Variants in SLC24A3 observed in about 807,000 individuals in gnomAD.
SLC24A3 encodes the protein sodium/potassium/calcium exchanger 3.
A neutral mutation model predicts 75.8 loss-of-function variants in SLC24A3; 28 were observed. The observed-to-expected ratio is 0.37, with a 90% CI of 0.27 to 0.51. The LOEUF is 0.51. SLC24A3 is among the 20% of genes least tolerant of loss of function. SLC24A3 has a pLI of 0.94. For missense variants in SLC24A3, 663 were observed against 847.8 expected, an observed-to-expected ratio of 0.78 and a Z score of 2.71; for synonymous variants, 372 against 334.1, an observed-to-expected ratio of 1.11 and a Z score of -1.24.
At chr20:19,431,287 G>A (rs553808642) in intron 2 of SLC24A3, among the ~76,000 whole-genome samples, 2 of 152,036 alleles carry the variant, frequency 1.3e-5, no homozygotes, top group Non-Finnish European at 1.5e-5. Context: ...TATAAAGAGG[G>A]CAAGGGAGCT....
chr20:19,251,564 C>T lies in SLC24A3; in HGVS notation c.143-29395C>T, dbSNP rs146207980. Among the ~76,000 whole-genome samples, 327 of 152,204 alleles carry T rather than the reference C, an allele frequency of 2.1e-3. 1 individual carries two copies. Among genetic ancestry groups the T allele is most frequent in the African/African-American group, 7.7e-3 (318 of 41,516 alleles). On this transcript the variant is annotated intron_variant, in intron 1 of 16. Transcript: ENST00000328041. ...TTAAGCAGAACACTGCAGGGGACAA[C>T]GAGGGCCCAGCTCTAGCCGGGGTCT... is the stretch of plus-strand genomic sequence containing the variant.
intron 3 of SLC24A3, among the ~76,000 whole-genome samples, chr20:19,534,112 A>G (rs1419768618): frequency 6.6e-6 from 1 of 152,264 alleles, no homozygotes; most frequent in Non-Finnish European, 1.5e-5. Flanking sequence ...TATATTGATG[A>G]AAAACAGCTA....
chr20:19,386,897 T>C (rs895846736), intron 2 of SLC24A3, among the ~76,000 whole-genome samples: 4 of 152,112 alleles, frequency 2.6e-5, no homozygotes, highest in African/African-American at 9.7e-5. Flanking sequence ...TCTTTGCCTT[T>C]GGAGGAATTT....
rs776128885 is a variant in SLC24A3 at position 19,280,898 on chromosome 20, C to G, written c.143-61C>G. On this transcript the variant is annotated intron_variant, in intron 1 of 16. Coordinates refer to ENST00000328041, the MANE Select transcript of SLC24A3 (RefSeq NM_020689.4). ...GCTGATCAGGGCAGCGGGCATGCAG[C>G]GTCGGCAGAGGCTGAAACCCAGCTG... The G allele has an allele frequency of 8.3e-6, 13 of 1,569,288 alleles. 1 individual carries two copies. The South Asian group carries it at 1.5e-4, about 19-fold the overall frequency.
At chr20:19,601,042 T>C (rs1010922076) in intron 6 of SLC24A3, among the ~76,000 whole-genome samples, 16 of 152,188 alleles carry the variant, frequency 1.1e-4, no homozygotes, top group Non-Finnish European at 1.2e-4. Flanking sequence ...ATACATGAAC[T>C]TCAGAAGTTA....
chr20:19,492,370 C>G (rs1988221530), intron 2 of SLC24A3, among the ~76,000 whole-genome samples: 1 of 152,222 alleles, frequency 6.6e-6, no homozygotes, highest in South Asian at 2.1e-4. Flanking sequence ...ATCTCCACAT[C>G]TGTGCAATGG....
At chr20:19,529,716 G>C (rs2030262011) in intron 3 of SLC24A3, among the ~76,000 whole-genome samples, 1 of 152,138 alleles carries the variant, frequency 6.6e-6, no homozygotes, top group Non-Finnish European at 1.5e-5. Flanking sequence ...AGATAATCCA[G>C]GCTCATCCCA....
At chr20:19,372,370 C>T (rs1986007668) in intron 2 of SLC24A3, among the ~76,000 whole-genome samples, 1 of 152,178 alleles carries the variant, frequency 6.6e-6, no homozygotes. Flanking sequence ...AAGACAGGAA[C>T]ATCCACAGCT....
intron 2 of SLC24A3, among the ~76,000 whole-genome samples, chr20:19,302,899 C>G (rs139702532): frequency 0.011 from 1,741 of 152,122 alleles, 16 homozygotes; most frequent in Non-Finnish European, 0.016. Context: ...TTATCGTCAC[C>G]CTAAGTTTTC....
intron 2 of SLC24A3, among the ~76,000 whole-genome samples, chr20:19,461,363 A>C (rs879919034): frequency 6.6e-6 from 1 of 152,194 alleles, no homozygotes; most frequent in African/African-American, 2.4e-5. Flanking sequence ...ATATATACAC[A>C]CAAATATACA....
chr20:19,596,587 A>G (rs768304998), intron 6 of SLC24A3, among the ~76,000 whole-genome samples: 15 of 152,146 alleles, frequency 9.9e-5, no homozygotes, highest in Non-Finnish European at 2.1e-4. Flanking sequence ...TGTTGATGTT[A>G]TTCACTGGCC....
intron 3 of SLC24A3, among the ~76,000 whole-genome samples, chr20:19,538,763 C>T (rs1282265463): frequency 6.6e-6 from 1 of 152,200 alleles, no homozygotes; most frequent in Non-Finnish European, 1.5e-5. Context: ...AACACCACTA[C>T]TCCCCGAATC....
chr20:19,212,710 G>A lies in SLC24A3; in HGVS notation c.-133G>A. Reference sequence around the variant, plus strand: ...AGGAGGAGGAAGAGGAGGCGGAGGCGGCGGCCGGGTGGGAGCGCAGCGAGG... The same window carrying A: ...AGGAGGAGGAAGAGGAGGCGGAGGCAGCGGCCGGGTGGGAGCGCAGCGAGG... On this transcript the variant is annotated 5_prime_UTR_variant, in exon 1 of 17. Coordinates refer to ENST00000328041, the MANE Select transcript of SLC24A3 (RefSeq NM_020689.4). 1.5e-6 allele frequency: 1 copy of A among 664,646 alleles called. No homozygotes were observed. The highest frequency in any genetic ancestry group is 1.9e-6 in the Non-Finnish European group (1 of 538,320). The allele number at this position is 664,646 out of a possible 1,614,324, so 41.2% of individuals were successfully genotyped here. A position where few individuals can be genotyped will look rare whatever the true frequency, so the allele number is the denominator to read the frequency against.
chr20:19,520,583 G>A (rs1297273350), intron 3 of SLC24A3, among the ~76,000 whole-genome samples: 1 of 152,168 alleles, frequency 6.6e-6, no homozygotes, highest in African/African-American at 2.4e-5. Flanking sequence ...CAGGATTCTT[G>A]TGCTGAGCTG....
At chr20:19,542,341 C>G (rs1346206394) in intron 3 of SLC24A3, among the ~76,000 whole-genome samples, 3 of 152,188 alleles carry the variant, frequency 2.0e-5, no homozygotes, top group African/African-American at 7.2e-5. Flanking sequence ...TGAAATCTGT[C>G]TCTGGACTTC....
At chr20:19,549,732 C>T (rs1482319096) in intron 3 of SLC24A3, among the ~76,000 whole-genome samples, 3 of 152,090 alleles carry the variant, frequency 2.0e-5, no homozygotes, top group Non-Finnish European at 4.4e-5. Context: ...TGCAGTGAGC[C>T]GAGATCATGC....
intron 6 of SLC24A3, among the ~76,000 whole-genome samples, chr20:19,591,117 A>G (rs2122644049): frequency 6.6e-6 from 1 of 152,120 alleles, no homozygotes; most frequent in Non-Finnish European, 1.5e-5. Flanking sequence ...TCCCAGGCCC[A>G]GAGTTCTGCT....
At chr20:19,232,175 T>C (rs1982040494) in intron 1 of SLC24A3, among the ~76,000 whole-genome samples, 1 of 152,318 alleles carries the variant, frequency 6.6e-6, no homozygotes, top group South Asian at 2.1e-4. Flanking sequence ...AATCAAAATA[T>C]TTATTTTCAG....
At chr20:19,399,089 T>C (rs1986506561) in intron 2 of SLC24A3, among the ~76,000 whole-genome samples, 1 of 152,200 alleles carries the variant, frequency 6.6e-6, no homozygotes, top group African/African-American at 2.4e-5. Flanking sequence ...TTGAAATATC[T>C]ACTTAGTGTC....
Sources: gnomAD v4.1 joint callset for allele counts (sites outside exome capture counted in the v4.1 genomes callset) on GRCh38, gnomAD v4.1.1 for gene constraint, MANE v1.5 for transcripts, NCBI Gene and HGNC (gene_info 2026-07-23, HGNC 2026-07-21) for gene names.